Variants in HHATL observed in about 807,000 individuals in gnomAD.
HHATL encodes protein-cysteine N-palmitoyltransferase HHAT-like protein.
In HHATL, 49 loss-of-function variants were observed where a neutral mutation model predicts 59.7. The observed-to-expected ratio is 0.82, with a 90% CI of 0.65 to 1.04. The LOEUF is 1.04. HHATL is among the 50% of genes least tolerant of loss of function. The probability of loss-of-function intolerance (pLI) is 0.00; values close to 1 mark genes in which losing one functional copy is unlikely to be tolerated. For missense variants in HHATL, 605 were observed against 650.8 expected (o/e 0.93, Z 0.77); for synonymous variants, 238 against 257.3 (o/e 0.93, Z 0.72).
At chr3:42,699,508 G>A (rs1334011674) in intron 3 of HHATL, among the ~76,000 whole-genome samples, 1 of 152,042 alleles carries the variant, frequency 6.6e-6, no homozygotes, top group African/African-American at 2.4e-5. Context: ...TTGTTTCTGG[G>A]AAGGAGGTGC....
intron 2 of HHATL, 28 bp downstream of exon 2, chr3:42,700,693 T>C (rs767141537): frequency 6.6e-7 from 1 of 1,524,446 alleles, no homozygotes; most frequent in East Asian, 2.3e-5. Context: ...AAGGGTCCTG[T>C]CCACCTGCCC....
rs116589709 is a variant in HHATL, at chr3:42,700,659, G to A, written c.106+62C>T. On this transcript the variant is annotated intron_variant, in intron 2 of 11. Coordinates refer to ENST00000441594, the MANE Select transcript of HHATL (RefSeq NM_020707.4). ...TGTAACTTTCTGGCTTTGCTGGTTG[G>A]AACCCTGAGGCCTCCAGGGGAAGAA... 1,271 of 1,148,784 alleles carry A rather than the reference G, an allele frequency of 1.1e-3. 16 individuals carry two copies. In the African/African-American group the frequency reaches 0.017, roughly 15 times the overall value. 71.2% of individuals were successfully genotyped at this position (1,148,784 alleles called of 1,614,324 possible).
At chr3:42,694,716 CTTG>C (rs1697528186) in intron 9 of HHATL, among the ~76,000 whole-genome samples, 1 of 152,282 alleles carries the variant, frequency 6.6e-6, no homozygotes, top group South Asian at 2.1e-4. Flanking sequence ...GGCCTTTGCC[CTTG>C]TTGTTCCCTC....
At position 42,698,801 on chromosome 3, in the gene HHATL, A is replaced by G. The variant is rs201075050; in HGVS notation, c.390T>C (p.Tyr130=). 75 of 1,613,562 alleles carry G rather than the reference A, an allele frequency of 4.6e-5. No individual in the cohort carries two copies. Among genetic ancestry groups the G allele is most frequent in the Admixed American group, 2.7e-4 (16 of 59,872 alleles). ...AGGGCTGGCCCAAAAGCGAGGCCAC[A>G]TAGAGGCCCACACAGTGACCAAGCA... ...LLLLGHCVGL[Y]VASLLGQPWL... The change falls in exon 5 of 12, where the codon TAT becomes TAC. Residue 130 remains tyrosine (Y), a synonymous_variant. Coordinates refer to ENST00000441594, the MANE Select transcript of HHATL (RefSeq NM_020707.4).
rs377213413 is a variant in HHATL at position 42,698,279 on chromosome 3, G to A, written c.556C>T (p.Arg186Cys). Residue 186 changes from arginine (R) to cysteine (C), a missense_variant, in exon 6 of 12, where the codon CGT (arginine) becomes TGT (cysteine). Physicochemically the swap from Arg to Cys is radical, Grantham distance 180 (BLOSUM62 -3). Coordinates refer to ENST00000441594, the MANE Select transcript of HHATL (RefSeq NM_020707.4). The stretch of plus-strand genomic sequence containing the variant: ...CTCTCCAGTGCAAAGCTGGTGCAAC[G>A]CAGCACTGTGAAGCTGCTGCCCCCA... ...FHGGSSFTVL[R>C]CTSFALESCA... 63 of 1,613,984 alleles carry A rather than the reference G, an allele frequency of 3.9e-5. No individual in the cohort carries two copies. Among genetic ancestry groups the A allele is most frequent in the Middle Eastern group, 3.3e-4 (2 of 6,082 alleles).
chr3:42,699,325 C>T lies in HHATL; in HGVS notation c.175-180G>A, dbSNP rs17074760. The stretch of plus-strand genomic sequence containing the variant: ...ATTTTTTACCACTAGCCAAACCCAA[C>T]GTGTCCTCTTTATGCAAACACAAGA... On this transcript the variant is annotated intron_variant, in intron 3 of 11. Transcript: ENST00000441594. Among the ~76,000 whole-genome samples the T allele has an allele frequency of 6.0e-3, 908 of 152,212 alleles. 9 individuals carry two copies. The highest frequency in any genetic ancestry group is 0.02 in the African/African-American group (848 of 41,512).
chr3:42,694,145 G>A, intron 9 of HHATL: 1 of 331,378 alleles, frequency 3.0e-6, no homozygotes. Context: ...ATTGCTACTA[G>A]CCATGTCACT....
intron 10 of HHATL, 55 bp from the exon 11 acceptor site, chr3:42,693,273 C>G: frequency 6.3e-7 from 1 of 1,597,362 alleles, no homozygotes; most frequent in Non-Finnish European, 8.5e-7. Context: ...GGAAAGAGGA[C>G]ATGGTGGGTC....
chr3:42,692,696 G>A lies in HHATL; in HGVS notation c.*55C>T. On this transcript the variant is annotated 3_prime_UTR_variant, in exon 12 of 12. Coordinates refer to ENST00000441594, the MANE Select transcript of HHATL (RefSeq NM_020707.4). ...AAAAGTCTTTTATTCTATCGGTCAGGCCCCATCTGGCCCAAGAATAGCTGA... is the reference window on the plus strand; with the variant it reads ...AAAAGTCTTTTATTCTATCGGTCAGACCCCATCTGGCCCAAGAATAGCTGA... The A allele has an allele frequency of 1.2e-6, 2 of 1,613,508 alleles. No homozygotes were observed. The highest frequency in any genetic ancestry group is 1.7e-6 in the Non-Finnish European group (2 of 1,179,650).
chr3:42,696,962 C>A (rs1157646489), intron 8 of HHATL, 39 bp downstream of exon 8: 4 of 1,613,238 alleles, frequency 2.5e-6, no homozygotes, highest in Middle Eastern at 1.7e-4. Flanking sequence ...AAGGTGTGGT[C>A]CCAGGGGGTG....
intron 2 of HHATL, among the ~76,000 whole-genome samples, chr3:42,700,288 ATGTG>A (rs374665835): frequency 7.0e-5 from 3 of 42,562 alleles, no homozygotes; most frequent in Non-Finnish European, 1.4e-4. Flanking sequence ...CTGTGTGTGT[ATGTG>A]TGTGTGTGTG....
intron 1 of HHATL, 51 bp from the exon 2 acceptor site, chr3:42,700,890 C>A: frequency 7.7e-7 from 1 of 1,303,270 alleles, no homozygotes; most frequent in Non-Finnish European, 1.1e-6. Flanking sequence ...CAAGCCTAGC[C>A]CCACCTCATG....
chr3:42,696,292 C>A (rs1467145569), intron 9 of HHATL, among the ~76,000 whole-genome samples: 1 of 152,098 alleles, frequency 6.6e-6, no homozygotes, highest in Non-Finnish European at 1.5e-5. Context: ...CAGGCTGAAT[C>A]TCGGCCATCC....
At position 42,699,071 on chromosome 3, in the gene HHATL, A is replaced by C. The variant is rs150548791; in HGVS notation, c.249T>G (p.His83Gln). ...TCGTGCAGAGTTTAGCAAACAGCACATGTCCGGAGAGGGCAAAGATGATGA... is the reference window on the plus strand; with the variant it reads ...TCGTGCAGAGTTTAGCAAACAGCACCTGTCCGGAGAGGGCAAAGATGATGA... Reference protein sequence around the residue: ...RNVIIFALSGHVLFAKLCTMV... With the variant: ...RNVIIFALSGQVLFAKLCTMV... The change falls in exon 4 of 12, where the codon CAT becomes CAG. Residue 83 changes from histidine (H) to glutamine (Q), a missense_variant. Transcript: ENST00000441594. The C allele has an allele frequency of 6.2e-7, 1 of 1,614,054 alleles. No individual in the cohort carries two copies. The highest frequency in any genetic ancestry group is 8.5e-7 in the Non-Finnish European group (1 of 1,180,036).
chr3:42,697,177 C>T (rs760267603), intron 7 of HHATL, 32 bp from the exon 8 acceptor site: 11 of 1,507,762 alleles, frequency 7.3e-6, no homozygotes, highest in Non-Finnish European at 8.9e-7. Context: ...TGCCTGGGGT[C>T]CAATCGCCTG....
chr3:42,692,799 G>C lies in HHATL; in HGVS notation c.1467C>G (p.Thr489=), dbSNP rs745809249. ...GCTTCTGCTCCTCCTCCAGTGCCAA[G>C]GTTCGCTCACGCTCCTTTACCAGCT... ...GVQLVKERER[T]LALEEEQKQD... is the part of the protein sequence containing the mutation. The change falls in exon 12 of 12, where the codon ACC becomes ACG. Residue 489 remains threonine, a synonymous_variant. Transcript: ENST00000441594. 6.2e-7 allele frequency: 1 copy of C among 1,614,098 alleles called. No individual in the cohort carries two copies. The highest frequency in any genetic ancestry group is 8.5e-7 in the Non-Finnish European group (1 of 1,180,046).
intron 10 of HHATL, 194 bp from the exon 11 acceptor site, chr3:42,693,412 A>G: frequency 3.9e-6 from 3 of 778,636 alleles, no homozygotes; most frequent in African/African-American, 1.7e-5. Flanking sequence ...CCTGACCAAC[A>G]TGGCAAGGCC....
At chr3:42,698,669 T>A in intron 5 of HHATL, 39 bp downstream of exon 5, 1 of 1,517,432 alleles carries the variant, frequency 6.6e-7, no homozygotes, top group Non-Finnish European at 8.8e-7. Context: ...AGGTTTGGGA[T>A]CTTATCCCTA....
intron 2 of HHATL, 57 bp from the exon 3 acceptor site, chr3:42,699,882 C>T (rs528580302): frequency 4.9e-6 from 7 of 1,440,114 alleles, no homozygotes; most frequent in Non-Finnish European, 6.7e-6. Flanking sequence ...GCCCCACCTT[C>T]CCCCGTGGAC....
Sources: allele counts gnomAD v4.1 joint callset (sites outside exome capture counted in the v4.1 genomes callset), GRCh38; gene constraint gnomAD v4.1.1; transcripts MANE v1.5; gene names NCBI Gene and HGNC (gene_info 2026-07-23, HGNC 2026-07-21).